DSC2: variants seen among roughly 807,000 people sequenced by gnomAD.
DSC2 encodes desmocollin 2.
A neutral mutation model predicts 87.6 loss-of-function variants in DSC2; 51 were observed. That is an observed-to-expected ratio of 0.58 (90% CI 0.46 to 0.74). The LOEUF (loss-of-function observed/expected upper bound fraction) is 0.74, where lower values mean the gene tolerates loss of function less well. Among genes scored for constraint, DSC2 ranks in the 30% least tolerant of loss-of-function variants. The pLI is 0.00. For missense variants in DSC2, 1,066 were observed against 1,089.5 expected, an observed-to-expected ratio of 0.98 and a Z score of 0.30; for synonymous variants, 383 against 393.2, an observed-to-expected ratio of 0.97 and a Z score of 0.31.
chr18:31,101,866 C>T (rs1178112966), intron 1 of DSC2, 37 bp downstream of exon 1: 3 of 1,525,770 alleles, frequency 2.0e-6, no homozygotes, highest in Admixed American at 4.0e-5. Flanking sequence ...TAGGCGATCG[C>T]CCCCTTCCCC....
intron 13 of DSC2, 93 bp downstream of exon 13, chr18:31,071,512 C>T: frequency 8.6e-7 from 1 of 1,161,642 alleles, no homozygotes; most frequent in East Asian, 2.3e-5. Flanking sequence ...CACTACTGCA[C>T]TCCAGCCTGG....
chr18:31,100,640 G>A (rs1987910309), intron 1 of DSC2, among the ~76,000 whole-genome samples: 1 of 152,194 alleles, frequency 6.6e-6, no homozygotes, highest in African/African-American at 2.4e-5. Flanking sequence ...ACCAATTCAT[G>A]ATTGTAAAAT....
chr18:31,084,345 A>T (rs951288803), intron 7 of DSC2, among the ~76,000 whole-genome samples: 5 of 152,304 alleles, frequency 3.3e-5, no homozygotes, highest in South Asian at 2.1e-4. Flanking sequence ...GAAGGAATAC[A>T]TATTTTGTTT....
rs1369260843 is a variant in DSC2, at chr18:31,066,484, A to G, written c.*1531T>C. 6.6e-6 allele frequency: 1 copy of G among 152,216 alleles called. No homozygotes were observed. The highest frequency in any genetic ancestry group is 1.5e-5 in the Non-Finnish European group (1 of 68,026). The allele number at this position is 152,216 out of a possible 1,614,324, so 9.4% of individuals were successfully genotyped here. ...GATCAGCAATAAAACTACTGATAAG[A>G]TAAGCTGGTTATCAAATAATTCCCT... On this transcript the variant is annotated 3_prime_UTR_variant, in exon 16 of 16. Transcript: ENST00000280904.
chr18:31,072,731 C>A (rs948469365), intron 12 of DSC2, among the ~76,000 whole-genome samples: 1 of 152,146 alleles, frequency 6.6e-6, no homozygotes, highest in Non-Finnish European at 1.5e-5. Flanking sequence ...ATAGAATAAT[C>A]CCTCTCCCAC....
intron 14 of DSC2, among the ~76,000 whole-genome samples, chr18:31,069,996 A>T (rs551034983): frequency 6.6e-6 from 1 of 152,358 alleles, no homozygotes; most frequent in African/African-American, 2.4e-5. Context: ...CTAAATATAT[A>T]TGAATAAACT....
In DSC2 at chr18:31,065,617, G is replaced by C. The variant is rs1366225355; in HGVS notation, c.*2398C>G. On this transcript the variant is annotated 3_prime_UTR_variant, in exon 16 of 16. Transcript: ENST00000280904. ...CAAACAGCCATGACCTCCCAGGCAA[G>C]TGACTGCTAATGTCTAGCTGGACAG... 6.6e-6 allele frequency: 1 copy of C among 152,218 alleles called. No individual in the cohort carries two copies. Among genetic ancestry groups the C allele is most frequent in the African/African-American group, 2.4e-5 (1 of 41,450 alleles). The allele number at this position is 152,218 out of a possible 1,614,324, so 9.4% of individuals were successfully genotyped here.
chr18:31,085,482 T>C (rs1352344820), intron 7 of DSC2, among the ~76,000 whole-genome samples: 1 of 151,334 alleles, frequency 6.6e-6, no homozygotes, highest in East Asian at 1.9e-4. Flanking sequence ...TTTAAATTAA[T>C]ATATAATTTA....
At chr18:31,077,694 T>C (rs1270306319) in intron 11 of DSC2, among the ~76,000 whole-genome samples, 2 of 152,358 alleles carry the variant, frequency 1.3e-5, no homozygotes, top group Non-Finnish European at 2.9e-5. Flanking sequence ...CTAGTAATAA[T>C]ATAATTCTAC....
At chr18:31,079,287 TC>T (rs1987125318) in intron 11 of DSC2, among the ~76,000 whole-genome samples, 1 of 152,198 alleles carries the variant, frequency 6.6e-6, no homozygotes, top group Non-Finnish European at 1.5e-5. Context: ...AGAGTCTTAC[TC>T]TGTCGCCCAG....
rs7239235 is a variant in DSC2, at chr18:31,083,189, G to A, written c.943-129C>T. The A allele has an allele frequency of 5.0e-4, 530 of 1,051,254 alleles. 2 individuals are homozygous for A. In the African/African-American group the frequency reaches 6.8e-3, roughly 13 times the overall value. 65.1% of individuals were successfully genotyped at this position (1,051,254 alleles called of 1,614,324 possible). A position where few individuals can be genotyped will look rare whatever the true frequency, so the allele number is the denominator to read the frequency against. On this transcript the variant is annotated intron_variant, in intron 7 of 15. Transcript: ENST00000280904. ...TGCATTATTACATTTCACAGCATTC[G>A]TGTATTAGAAGAATTTTCTCTCACT...
In DSC2 at chr18:31,060,960, C is replaced by G. The variant is rs1986488995; in HGVS notation, c.*7055G>C. Reference sequence around the variant, plus strand: ...AGGCAAATTTTAAATACTTAAGTTTCATAAACCACCAAATAATCAATAAAC... The same window carrying G: ...AGGCAAATTTTAAATACTTAAGTTTGATAAACCACCAAATAATCAATAAAC... On this transcript the variant is annotated 3_prime_UTR_variant, in exon 16 of 16. Transcript: ENST00000280904. The G allele has an allele frequency of 1.3e-5, 2 of 152,160 alleles. No homozygotes were observed. The highest frequency in any genetic ancestry group is 4.8e-5 in the African/African-American group (2 of 41,438). The allele number at this position is 152,160 out of a possible 1,614,324, so 9.4% of individuals were successfully genotyped here. A position where few individuals can be genotyped will look rare whatever the true frequency, so the allele number is the denominator to read the frequency against.
rs1005944210 is a variant in DSC2 at position 31,062,895 on chromosome 18, A to G, written c.*5120T>C. ...GTCATTCAATGTCTTCTGAGGAAAA[A>G]CAATTCAGTGCAGAATCTAACATAC... On this transcript the variant is annotated 3_prime_UTR_variant, in exon 16 of 16. Coordinates refer to ENST00000280904, the MANE Select transcript of DSC2 (RefSeq NM_024422.6). 1 of 152,214 alleles carries G rather than the reference A, an allele frequency of 6.6e-6. No individual in the cohort carries two copies. The highest frequency in any genetic ancestry group is 2.4e-5 in the African/African-American group (1 of 41,464). The allele number at this position is 152,214 out of a possible 1,614,324, so 9.4% of individuals were successfully genotyped here. A position where few individuals can be genotyped will look rare whatever the true frequency, so the allele number is the denominator to read the frequency against.
chr18:31,082,713 A>G (rs1987265141), intron 8 of DSC2, among the ~76,000 whole-genome samples: 1 of 152,056 alleles, frequency 6.6e-6, no homozygotes, highest in East Asian at 1.9e-4. Flanking sequence ...GCCTGTCACC[A>G]TGCCCGGCTA....
chr18:31,086,450 T>A (rs1156598945), intron 7 of DSC2, 126 bp downstream of exon 7: 1 of 1,158,760 alleles, frequency 8.6e-7, no homozygotes. Context: ...TCTATTAACA[T>A]ACATAAAATA....
At chr18:31,095,423 G>A (rs758333755) in intron 1 of DSC2, among the ~76,000 whole-genome samples, 3 of 152,260 alleles carry the variant, frequency 2.0e-5, no homozygotes, top group South Asian at 2.1e-4. Context: ...GTGGAGTGGC[G>A]TAAACTGATA....
intron 11 of DSC2, among the ~76,000 whole-genome samples, chr18:31,079,244 GTTTTGT>G (rs780500883): frequency 8.5e-5 from 13 of 152,074 alleles, no homozygotes; most frequent in East Asian, 1.9e-4. Flanking sequence ...TTTTGTTTTT[GTTTTGT>G]TTTTGTTTTT....
chr18:31,097,245 G>A (rs571309764), intron 1 of DSC2, among the ~76,000 whole-genome samples: 3 of 149,856 alleles, frequency 2.0e-5, no homozygotes, highest in South Asian at 2.1e-4. Context: ...CAGAGATCAC[G>A]CCACTGCACT....
At chr18:31,095,102 C>G (rs545200079) in intron 1 of DSC2, among the ~76,000 whole-genome samples, 8 of 152,146 alleles carry the variant, frequency 5.3e-5, no homozygotes, top group African/African-American at 1.9e-4. Flanking sequence ...AATGTCACGA[C>G]AAAAATAAAG....
Sources: allele counts gnomAD v4.1 joint callset (sites outside exome capture counted in the v4.1 genomes callset), GRCh38; gene constraint gnomAD v4.1.1; transcripts MANE v1.5; gene names NCBI Gene and HGNC (gene_info 2026-07-23, HGNC 2026-07-21).